PLXNA4: variants seen among roughly 807,000 people sequenced by gnomAD.
PLXNA4 encodes plexin A4, also known as plexin-A4.
In PLXNA4, 44 loss-of-function variants were observed where a neutral mutation model predicts 191.8. The observed-to-expected ratio is 0.23, with a 90% CI of 0.18 to 0.29. The LOEUF is 0.29. PLXNA4 is among the 10% of genes least tolerant of loss of function. The pLI, the probability that PLXNA4 is intolerant of heterozygous loss-of-function variation, is 1.00. For synonymous variants in PLXNA4, 1,082 were observed against 1,009.5 expected (o/e 1.07, Z -1.36); for missense variants, 1,800 against 2,488.8 (o/e 0.72, Z 5.89).
intron 14 of PLXNA4, among the ~76,000 whole-genome samples, chr7:132,190,509 G>C (rs58803643): frequency 0.077 from 11,652 of 152,266 alleles, 795 homozygotes; most frequent in African/African-American, 0.19. Context: ...AATTAGTCCT[G>C]GCAGGAGGCA....
At chr7:132,132,405 C>CTGTTCTGTTCTGTTCTGTTCTGT (rs1794960468) in intron 31 of PLXNA4, among the ~76,000 whole-genome samples, 1 of 30,804 alleles carries the variant, frequency 3.2e-5, no homozygotes, top group African/African-American at 1.6e-4. Context: ...CTGTTCTGTT[C>CTGTTCTGTTCTGTTCTGTTCTGT]TGTTCTGTTC....
At chr7:132,139,126 C>A (rs936536274) in intron 30 of PLXNA4, among the ~76,000 whole-genome samples, 1 of 152,190 alleles carries the variant, frequency 6.6e-6, no homozygotes, top group African/African-American at 2.4e-5. Context: ...CATAATCAGA[C>A]ACTAGGACAA....
At chr7:132,237,322 C>A (rs1264501410) in intron 5 of PLXNA4, among the ~76,000 whole-genome samples, 2 of 152,220 alleles carry the variant, frequency 1.3e-5, no homozygotes, top group Admixed American at 1.3e-4. Flanking sequence ...GACTGCCACT[C>A]AGAGATGGGG....
intron 3 of PLXNA4, among the ~76,000 whole-genome samples, chr7:132,366,523 CAATT>C (rs1455586780): frequency 2.7e-5 from 4 of 150,610 alleles, no homozygotes; most frequent in Non-Finnish European, 5.9e-5. Flanking sequence ...GATTCTGTCT[CAATT>C]AAAAAAAAAA....
chr7:132,424,132 C>T (rs972408683), intron 3 of PLXNA4, among the ~76,000 whole-genome samples: 21 of 152,274 alleles, frequency 1.4e-4, no homozygotes, highest in African/African-American at 4.8e-4. Flanking sequence ...GCCTCCTCCT[C>T]GCCAGGGTCT....
At chr7:132,318,607 G>A (rs1184383240) in intron 3 of PLXNA4, among the ~76,000 whole-genome samples, 1 of 151,244 alleles carries the variant, frequency 6.6e-6, no homozygotes, top group East Asian at 1.9e-4. Flanking sequence ...AAACAGGAAG[G>A]AAGGAGGGAA....
chr7:132,278,707 T>C (rs992959497), intron 4 of PLXNA4, among the ~76,000 whole-genome samples: 1 of 152,198 alleles, frequency 6.6e-6, no homozygotes, highest in Non-Finnish European at 1.5e-5. Context: ...TATCCACCCA[T>C]GCTCAGCTCT....
At chr7:132,459,757 G>A (rs1201907409) in intron 3 of PLXNA4, among the ~76,000 whole-genome samples, 1 of 152,144 alleles carries the variant, frequency 6.6e-6, no homozygotes, top group Non-Finnish European at 1.5e-5. Flanking sequence ...AGGCTCCCTC[G>A]ATCCTAATAT....
chr7:132,192,854 C>T (rs1017945894), intron 14 of PLXNA4, among the ~76,000 whole-genome samples: 2 of 152,008 alleles, frequency 1.3e-5, no homozygotes, highest in African/African-American at 4.8e-5. Context: ...TGTCAGGCAG[C>T]CTTTGAAGGG....
At chr7:132,357,485 G>C (rs1270633220) in intron 3 of PLXNA4, among the ~76,000 whole-genome samples, 1 of 152,194 alleles carries the variant, frequency 6.6e-6, no homozygotes, top group Non-Finnish European at 1.5e-5. Context: ...ATTGTAAATA[G>C]AGTAGTGCAA....
chr7:132,517,737 C>T (rs929644060), intron 1 of PLXNA4, among the ~76,000 whole-genome samples: 3 of 152,194 alleles, frequency 2.0e-5, no homozygotes, highest in African/African-American at 4.8e-5. Context: ...CTAACATATA[C>T]AGGATAGAGA....
chr7:132,396,235 G>T (rs1418646561), intron 3 of PLXNA4, among the ~76,000 whole-genome samples: 1 of 152,158 alleles, frequency 6.6e-6, no homozygotes, highest in African/African-American at 2.4e-5. Flanking sequence ...TGAAAATTGG[G>T]GAGTTCATAA....
At chr7:132,283,933 G>C (rs1036210703) in intron 4 of PLXNA4, among the ~76,000 whole-genome samples, 2 of 152,206 alleles carry the variant, frequency 1.3e-5, no homozygotes, top group African/African-American at 4.8e-5. Context: ...CCAGTGCTGT[G>C]GGAGGCCAAG....
intron 3 of PLXNA4, among the ~76,000 whole-genome samples, chr7:132,335,673 C>G (rs1287321042): frequency 1.3e-5 from 2 of 152,208 alleles, no homozygotes; most frequent in Non-Finnish European, 2.9e-5. Context: ...TGTTCTTATT[C>G]AAACCATCAA....
intron 2 of PLXNA4, among the ~76,000 whole-genome samples, chr7:132,594,153 G>T (rs1327312001): frequency 6.6e-6 from 1 of 152,232 alleles, no homozygotes; most frequent in Non-Finnish European, 1.5e-5. Flanking sequence ...TAGGGACATT[G>T]TAGATGTAAT....
At chr7:132,168,282 G>A in intron 22 of PLXNA4, 22 bp downstream of exon 22, 1 of 1,507,744 alleles carries the variant, frequency 6.6e-7, no homozygotes, top group Non-Finnish European at 8.9e-7. Flanking sequence ...CTGGAGCAGG[G>A]TGCCCCAGAC....
chr7:132,420,311 C>T (rs1371427522), intron 3 of PLXNA4, among the ~76,000 whole-genome samples: 1 of 152,196 alleles, frequency 6.6e-6, no homozygotes, highest in Admixed American at 6.5e-5. Context: ...GCTTGTCTAC[C>T]CATGGGACTG....
intron 3 of PLXNA4, among the ~76,000 whole-genome samples, chr7:132,319,641 G>A (rs889551417): frequency 2.6e-5 from 4 of 152,154 alleles, no homozygotes; most frequent in South Asian, 2.1e-4. Context: ...CATTCTTAAC[G>A]GACAATTTTG....
intron 4 of PLXNA4, among the ~76,000 whole-genome samples, chr7:132,265,353 A>T (rs187729214): frequency 6.6e-6 from 1 of 152,308 alleles, no homozygotes; most frequent in Non-Finnish European, 1.5e-5. Flanking sequence ...TGTCTATCCC[A>T]AGCTAAGTAC....
Sources: allele counts gnomAD v4.1 joint callset (sites outside exome capture counted in the v4.1 genomes callset), GRCh38; gene constraint gnomAD v4.1.1; transcripts MANE v1.5; gene names NCBI Gene and HGNC (gene_info 2026-07-23, HGNC 2026-07-21).